Variants in UGT1A8 observed in about 807,000 individuals in gnomAD.
UGT1A8 encodes the protein UDP glucuronosyltransferase family 1 member A8.
In UGT1A8, 39 loss-of-function variants were observed where a neutral mutation model predicts 45.3. The ratio of observed to expected loss-of-function variants is 0.86; its 90% confidence interval spans 0.67 to 1.12. UGT1A8 has a LOEUF of 1.12. Ranked by LOEUF, UGT1A8 falls within the 50% of genes most tolerant of loss-of-function variation. The pLI, the probability that UGT1A8 is intolerant of heterozygous loss-of-function variation, is 0.00. For synonymous variants in UGT1A8, 275 were observed against 249.2 expected (o/e 1.10, Z -0.97); for missense variants, 719 against 664.9 (o/e 1.08, Z -0.90).
At chr2:233,713,156 C>T in intron 1 of UGT1A8, 1 of 1,614,194 alleles carries the variant, frequency 6.2e-7, no homozygotes. Context: ...ATGCGAGAGG[C>T]CACCAGGTGG....
In UGT1A8 at chr2:233,682,010, G is replaced by T. The variant is rs748366826; in HGVS notation, c.855+63448G>T. Reference sequence around the variant, plus strand: ...ACTGCTGACCTGTGGCTTTGCCAAGGCAGGGAAGCTGCTGGTAGTGCCCAT... The same window carrying T: ...ACTGCTGACCTGTGGCTTTGCCAAGTCAGGGAAGCTGCTGGTAGTGCCCAT... On this transcript the variant is annotated intron_variant, in intron 1 of 4. Transcript: ENST00000373450. 2 of 1,614,024 alleles carry T rather than the reference G, an allele frequency of 1.2e-6. No individual in the cohort carries two copies. The highest frequency in any genetic ancestry group is 1.1e-5 in the South Asian group (1 of 91,090).
At chr2:233,646,617 T>C (rs911858541) in intron 1 of UGT1A8, among the ~76,000 whole-genome samples, 1 of 149,288 alleles carries the variant, frequency 6.7e-6, no homozygotes, top group Admixed American at 6.7e-5. Context: ...ATGCTGCCAG[T>C]CTCTTTGCTA....
At chr2:233,694,697 CTCT>C (rs373020976) in intron 1 of UGT1A8, among the ~76,000 whole-genome samples, 1 of 152,196 alleles carries the variant, frequency 6.6e-6, no homozygotes, top group African/African-American at 2.4e-5. Flanking sequence ...ACCCTTACCT[CTCT>C]TCTTTACACC....
At chr2:233,741,211 A>C (rs764528916) in intron 1 of UGT1A8, among the ~76,000 whole-genome samples, 2 of 151,912 alleles carry the variant, frequency 1.3e-5, no homozygotes, top group African/African-American at 4.9e-5. Context: ...AACTAGCCAG[A>C]GTTGTTACAG....
rs201577813 is a variant in UGT1A8, at chr2:233,718,850, G to A, written c.856-48184G>A. On this transcript the variant is annotated intron_variant, in intron 1 of 4. Transcript: ENST00000373450. ...CCAGAGGACTCCAGGTTCCCCTGCC[G>A]CGGCTGGCCACAGGACTGCTGCTCC... The A allele has an allele frequency of 1.6e-4, 258 of 1,613,728 alleles. 1 individual carries two copies. In the East Asian group the frequency reaches 4.7e-3, roughly 30 times the overall value.
intron 1 of UGT1A8, among the ~76,000 whole-genome samples, chr2:233,650,802 G>A (rs146620974): frequency 6.6e-6 from 1 of 152,238 alleles, no homozygotes; most frequent in African/African-American, 2.4e-5. Context: ...TAACAAGTTA[G>A]TAAAAGTTTG....
intron 1 of UGT1A8, among the ~76,000 whole-genome samples, chr2:233,644,371 C>T (rs2125467626): frequency 6.6e-6 from 1 of 152,204 alleles, no homozygotes; most frequent in African/African-American, 2.4e-5. Context: ...AGTTTGAGAC[C>T]AGCCTGGCCA....
At chr2:233,658,257 G>C (rs1004423839) in intron 1 of UGT1A8, among the ~76,000 whole-genome samples, 4 of 152,078 alleles carry the variant, frequency 2.6e-5, no homozygotes, top group Admixed American at 1.3e-4. Flanking sequence ...GACCTCAAGA[G>C]ACCCACGGAC....
At chr2:233,626,897 ATT>A (rs2073093771) in intron 1 of UGT1A8, among the ~76,000 whole-genome samples, 1 of 152,068 alleles carries the variant, frequency 6.6e-6, no homozygotes, top group Non-Finnish European at 1.5e-5. Flanking sequence ...CTGGCAATGC[ATT>A]TTCTGCCTTC....
intron 1 of UGT1A8, among the ~76,000 whole-genome samples, chr2:233,661,397 A>C (rs1162064078): frequency 1.3e-5 from 2 of 152,112 alleles, no homozygotes; most frequent in Non-Finnish European, 2.9e-5. Flanking sequence ...TTGGTTAAAA[A>C]ATCTGCCAGT....
rs544468002 is a variant in UGT1A8 at position 233,756,533 on chromosome 2, C to G, written c.856-10501C>G. Among the ~76,000 whole-genome samples, 22 of 152,166 alleles carry G rather than the reference C, an allele frequency of 1.4e-4. 2 individuals carry two copies. The South Asian group carries it at 3.5e-3, about 24-fold the overall frequency. ...TCAAATGTGCATGTTATTCACTTTT[C>G]TTGACTGCTAAAACAACCAGGGAGA... On this transcript the variant is annotated intron_variant, in intron 1 of 4. Coordinates refer to ENST00000373450, the MANE Select transcript of UGT1A8 (RefSeq NM_019076.5).
intron 1 of UGT1A8, among the ~76,000 whole-genome samples, chr2:233,707,259 A>G (rs1327423333): frequency 6.6e-6 from 1 of 151,866 alleles, no homozygotes; most frequent in Admixed American, 6.6e-5. Context: ...TTTCTTCATC[A>G]GCATTTATTT....
intron 1 of UGT1A8, among the ~76,000 whole-genome samples, chr2:233,764,416 C>T (rs559795881): frequency 6.6e-6 from 1 of 152,154 alleles, no homozygotes; most frequent in South Asian, 2.1e-4. Flanking sequence ...GTTTGCCCTG[C>T]GTGAATCTCC....
Position 233,618,528 on chromosome 2 carries a change from G to C in UGT1A8, c.821G>C (p.Gly274Ala), listed in dbSNP as rs183687751. 8.6e-5 allele frequency: 138 copies of C among 1,613,800 alleles called. 1 individual carries two copies. The Middle Eastern group carries it at 2.5e-3, about 29-fold the overall frequency. Reference sequence around the variant, plus strand: ...ATGCCCAATATGATCTTCATTGGTGGTATCAACTGCCATCAGGGAAAGCCA... The same window carrying C: ...ATGCCCAATATGATCTTCATTGGTGCTATCAACTGCCATCAGGGAAAGCCA... ...PVMPNMIFIG[G>A]INCHQGKPLP... The change falls in exon 1 of 5, where the codon GGT becomes GCT. Residue 274 changes from glycine to alanine, a missense_variant. Coordinates refer to ENST00000373450, the MANE Select transcript of UGT1A8 (RefSeq NM_019076.5).
intron 1 of UGT1A8, chr2:233,729,995 T>A (rs776522612): frequency 3.7e-6 from 6 of 1,613,982 alleles, no homozygotes; most frequent in Non-Finnish European, 4.2e-6. Flanking sequence ...CTATCTCAGG[T>A]CTGTATTGGT....
intron 1 of UGT1A8, among the ~76,000 whole-genome samples, chr2:233,639,876 A>G (rs964833357): frequency 6.6e-6 from 1 of 152,240 alleles, no homozygotes; most frequent in African/African-American, 2.4e-5. Flanking sequence ...GTGATGTGTA[A>G]ATAATTCAGC....
chr2:233,736,518 C>G (rs567664154), intron 1 of UGT1A8, among the ~76,000 whole-genome samples: 1 of 152,188 alleles, frequency 6.6e-6, no homozygotes, highest in Admixed American at 6.5e-5. Context: ...TCTGTCAACT[C>G]GTCAAAGTCA....
intron 1 of UGT1A8, chr2:233,637,099 G>T (rs772294341): frequency 2.5e-6 from 4 of 1,613,908 alleles, no homozygotes; most frequent in African/African-American, 1.3e-5. Context: ...TGTCCCCAAT[G>T]ATCTCTTAGG....
chr2:233,738,766 T>G (rs1690890490), intron 1 of UGT1A8, among the ~76,000 whole-genome samples: 1 of 152,128 alleles, frequency 6.6e-6, no homozygotes, highest in Non-Finnish European at 1.5e-5. Context: ...AAAACCCATT[T>G]TATGGGGAGA....
Sources: allele counts gnomAD v4.1 joint callset (sites outside exome capture counted in the v4.1 genomes callset), GRCh38; gene constraint gnomAD v4.1.1; transcripts MANE v1.5; gene names NCBI Gene and HGNC (gene_info 2026-07-23, HGNC 2026-07-21).